PRKACB: variants seen among roughly 807,000 people sequenced by gnomAD.
PRKACB encodes cAMP-dependent protein kinase catalytic subunit beta.
PRKACB carries 16 observed loss-of-function variants against 51.4 expected under a neutral mutation model. The ratio of observed to expected loss-of-function variants is 0.31; its 90% confidence interval spans 0.21 to 0.47. The LOEUF (loss-of-function observed/expected upper bound fraction) is 0.47. Ranked by LOEUF, PRKACB falls within the 20% of genes least tolerant of loss-of-function variation. The pLI, the probability that PRKACB is intolerant of heterozygous loss-of-function variation, is 1.00. For missense variants in PRKACB, 309 were observed against 464.5 expected (o/e 0.67, Z 3.08); for synonymous variants, 147 against 154.4 (o/e 0.95, Z 0.35).
chr1:84,195,591 T>G (rs1667975779), intron 5 of PRKACB, among the ~76,000 whole-genome samples: 1 of 152,114 alleles, frequency 6.6e-6, no homozygotes. Context: ...GACATCAAAA[T>G]TACACTGATC....
At chr1:84,172,996 G>A (rs535980958) in intron 1 of PRKACB, among the ~76,000 whole-genome samples, 147 of 151,770 alleles carry the variant, frequency 9.7e-4, no homozygotes, top group African/African-American at 3.4e-3. Flanking sequence ...TCATTTTTAA[G>A]GTTATAGTGA....
intron 9 of PRKACB, among the ~76,000 whole-genome samples, chr1:84,232,029 A>G (rs1675772631): frequency 6.7e-6 from 1 of 149,164 alleles, no homozygotes; most frequent in Non-Finnish European, 1.5e-5. Context: ...TCAATTTTGG[A>G]TCTTTCCTGC....
At chr1:84,147,083 G>C (rs1432696595) in intron 1 of PRKACB, among the ~76,000 whole-genome samples, 1 of 152,058 alleles carries the variant, frequency 6.6e-6, no homozygotes, top group East Asian at 1.9e-4. Context: ...AATGTGTAGA[G>C]TTATACAATG....
intron 1 of PRKACB, among the ~76,000 whole-genome samples, chr1:84,162,757 A>T (rs1052667711): frequency 1.3e-5 from 2 of 151,882 alleles, no homozygotes; most frequent in African/African-American, 4.8e-5. Context: ...GCTATTTTAA[A>T]GTCTTTAAAG....
intron 1 of PRKACB, among the ~76,000 whole-genome samples, chr1:84,099,411 ATATG>A (rs1416228407): frequency 1.3e-5 from 2 of 152,194 alleles, no homozygotes; most frequent in East Asian, 3.9e-4. Context: ...TTCAGTTTAA[ATATG>A]TATTTATTTT....
intron 1 of PRKACB, among the ~76,000 whole-genome samples, chr1:84,120,948 C>A (rs1196718720): frequency 6.6e-6 from 1 of 151,990 alleles, no homozygotes; most frequent in Non-Finnish European, 1.5e-5. Flanking sequence ...TACAAGATTT[C>A]AAGACTTTTC....
intron 1 of PRKACB, among the ~76,000 whole-genome samples, chr1:84,153,269 G>A (rs1655055455): frequency 6.6e-6 from 1 of 152,038 alleles, no homozygotes; most frequent in African/African-American, 2.4e-5. Context: ...AATGAAAAAG[G>A]AAATATTGTG....
At chr1:84,175,180 C>A in intron 1 of PRKACB, 1 of 939,890 alleles carries the variant, frequency 1.1e-6, no homozygotes, top group Non-Finnish European at 1.4e-6. Context: ...GAAATATTTT[C>A]ATTGATGAAG....
At chr1:84,165,395 A>G (rs1313630278) in intron 1 of PRKACB, among the ~76,000 whole-genome samples, 1 of 151,780 alleles carries the variant, frequency 6.6e-6, no homozygotes, top group African/African-American at 2.4e-5. Flanking sequence ...GTCATTCCTA[A>G]TGCTAATTTT....
Position 84,125,653 on chromosome 1 carries a change from G to A in PRKACB, c.46+47282G>A, listed in dbSNP as rs551272423. 2.2e-4 allele frequency among the ~76,000 whole-genome samples: 33 copies of A among 152,232 alleles called. No homozygotes were observed. The South Asian group carries it at 6.4e-3, about 30-fold the overall frequency. On this transcript the variant is annotated intron_variant, in intron 1 of 8. Coordinates refer to the PRKACB transcript ENST00000370688. The stretch of plus-strand genomic sequence containing the variant: ...AAGACTCAGTCACAATTAAGAGGAG[G>A]ATCTACTTAATAGTTAAAGAAAATT...
chr1:84,155,630 C>T (rs1302913036), intron 1 of PRKACB, among the ~76,000 whole-genome samples: 1 of 152,070 alleles, frequency 6.6e-6, no homozygotes, highest in Non-Finnish European at 1.5e-5. Context: ...ATCTGAGAGA[C>T]AAAGAACTTT....
chr1:84,175,103 T>G (rs1660786941), intron 1 of PRKACB: 1 of 1,372,570 alleles, frequency 7.3e-7, no homozygotes, highest in Non-Finnish European at 9.5e-7. Context: ...TTAAAATTTT[T>G]TATTTATTGT....
At chr1:84,233,486 CT>C (rs1280465570) in intron 9 of PRKACB, among the ~76,000 whole-genome samples, 1 of 129,002 alleles carries the variant, frequency 7.8e-6, no homozygotes, top group East Asian at 2.2e-4. Context: ...GGAAGTTCTC[CT>C]GGATAATATC....
chr1:84,175,161 C>G (rs1660803455), intron 1 of PRKACB: 2 of 1,051,914 alleles, frequency 1.9e-6, no homozygotes, highest in Non-Finnish European at 2.5e-6. Context: ...TTAAGTATAT[C>G]AAGTTAATGA....
intron 8 of PRKACB, among the ~76,000 whole-genome samples, chr1:84,209,578 T>C (rs1671833828): frequency 6.6e-6 from 1 of 152,190 alleles, no homozygotes; most frequent in Non-Finnish European, 1.5e-5. Context: ...ACTAGAGTGG[T>C]TCCTTAAAAA....
At chr1:84,181,962 C>A (rs1351129775) in intron 2 of PRKACB, among the ~76,000 whole-genome samples, 3 of 151,952 alleles carry the variant, frequency 2.0e-5, no homozygotes, top group African/African-American at 7.2e-5. Flanking sequence ...CTCTTATTTC[C>A]TCCTATTACT....
rs764095060 is a variant in PRKACB, at chr1:84,144,424, A to G, written c.63A>G (p.Lys21=). 3.7e-6 allele frequency: 6 copies of G among 1,613,276 alleles called. No individual in the cohort carries two copies. Among genetic ancestry groups the G allele is most frequent in the Non-Finnish European group, 4.2e-6 (5 of 1,179,678 alleles). ...CAGGTACAACTACAGCTCTTCAGAAATTGGAAGGTTTTGCTAGCCGGTTAT... is the reference window on the plus strand; with the variant it reads ...CAGGTACAACTACAGCTCTTCAGAAGTTGGAAGGTTTTGCTAGCCGGTTAT... The part of the protein sequence containing the change: ...QYTGTTTALQ[K]LEGFASRLFH... Residue 21 remains lysine, a synonymous_variant, in exon 1 of 10, where the codon AAA becomes AAG. Coordinates refer to ENST00000370685, the MANE Select transcript of PRKACB (RefSeq NM_182948.4).
At chr1:84,078,989 A>G (rs1338573932) in intron 1 of PRKACB, among the ~76,000 whole-genome samples, 1 of 152,202 alleles carries the variant, frequency 6.6e-6, no homozygotes, top group African/African-American at 2.4e-5. Flanking sequence ...ACATTCAAGG[A>G]TCTGCTACCA....
At chr1:84,165,195 A>G (rs1021352167) in intron 1 of PRKACB, among the ~76,000 whole-genome samples, 1 of 151,960 alleles carries the variant, frequency 6.6e-6, no homozygotes, top group Non-Finnish European at 1.5e-5. Context: ...ACTGTAAACA[A>G]TTAATGGCAC....
Sources: gnomAD v4.1 joint callset for allele counts (sites outside exome capture counted in the v4.1 genomes callset) on GRCh38, gnomAD v4.1.1 for gene constraint, MANE v1.5 for transcripts, NCBI Gene and HGNC (gene_info 2026-07-23, HGNC 2026-07-21) for gene names.